LRRC32: variants seen among roughly 807,000 people sequenced by gnomAD.
The protein encoded by LRRC32 is transforming growth factor beta activator LRRC32.
A neutral mutation model predicts 15.0 loss-of-function variants in LRRC32; 5 were observed. The ratio of observed to expected loss-of-function variants is 0.33; its 90% confidence interval spans 0.17 to 0.70. LRRC32 has a LOEUF of 0.70. LRRC32 is among the 30% of genes least tolerant of loss of function. The pLI is 0.66. For synonymous variants in LRRC32, 391 were observed against 403.9 expected (o/e 0.97, Z 0.38); for missense variants, 803 against 854.2 (o/e 0.94, Z 0.75).
In LRRC32 at chr11:76,659,569, G is replaced by A. The variant is rs776412975; in HGVS notation, c.*35C>T. 6.3e-7 allele frequency: 1 copy of A among 1,594,996 alleles called. No homozygotes were observed. Among genetic ancestry groups the A allele is most frequent in the Non-Finnish European group, 8.6e-7 (1 of 1,169,194 alleles). ...GTCCTCACTCTTCTCTGTACCTCAG[G>A]CTCCCCCACTGACCTAGAGTGTCTC... is the stretch of plus-strand genomic sequence containing the variant. On this transcript the variant is annotated 3_prime_UTR_variant, in exon 3 of 3. Transcript: ENST00000260061.
chr11:76,660,833 T>G lies in LRRC32; in HGVS notation c.760A>C (p.Lys254Gln). The G allele has an allele frequency of 6.2e-7, 1 of 1,614,084 alleles. No homozygotes were observed. Among genetic ancestry groups the G allele is most frequent in the Non-Finnish European group, 8.5e-7 (1 of 1,180,008 alleles). Residue 254 changes from lysine to glutamine, a missense_variant, in exon 3 of 3, where the codon AAA becomes CAA. Coordinates refer to ENST00000260061, the MANE Select transcript of LRRC32 (RefSeq NM_001128922.2). ...QLTWLDLREN[K>Q]LLHFPDLAAL... ...GCCAGGTCGGGGAAATGGAGCAGTT[T>G]GTTCTCCCGCAGGTCAAGCCAGGTG... is the stretch of plus-strand genomic sequence containing the variant.
intron 2 of LRRC32, among the ~76,000 whole-genome samples, chr11:76,664,368 C>T (rs1490828863): frequency 6.6e-6 from 1 of 152,236 alleles, no homozygotes; most frequent in East Asian, 1.9e-4. Flanking sequence ...ATGCCTCCTT[C>T]AGCTCTGAGC....
intron 2 of LRRC32, among the ~76,000 whole-genome samples, chr11:76,664,422 T>A (rs1952590577): frequency 1.3e-5 from 2 of 152,214 alleles, no homozygotes; most frequent in South Asian, 4.1e-4. Flanking sequence ...TTGGAGGAAT[T>A]GGCCCTTGAC....
At chr11:76,665,816 C>T (rs149080490) in intron 2 of LRRC32, 55 bp downstream of exon 2, 1 of 1,610,992 alleles carries the variant, frequency 6.2e-7, no homozygotes, top group East Asian at 2.2e-5. Context: ...CACTAGCACA[C>T]CCTAGGGCAG....
In LRRC32 at chr11:76,665,863, C is replaced by G; in HGVS notation, c.84+8G>C. On this transcript the variant is annotated splice_region_variant and intron_variant, in intron 2 of 2. Coordinates refer to ENST00000260061, the MANE Select transcript of LRRC32 (RefSeq NM_001128922.2). ...TGGTCCTCACCCTGTCTGGGCAGAGCATCTTACCATCTTACAGGGCACTTT... is the reference window on the plus strand; with the variant it reads ...TGGTCCTCACCCTGTCTGGGCAGAGGATCTTACCATCTTACAGGGCACTTT... The G allele has an allele frequency of 3.7e-6, 6 of 1,614,026 alleles. No individual in the cohort carries two copies. Among genetic ancestry groups the G allele is most frequent in the Non-Finnish European group, 5.1e-6 (6 of 1,179,918 alleles).
At position 76,658,472 on chromosome 11, in the gene LRRC32, C is replaced by T. The variant is rs1202722133; in HGVS notation, c.*1132G>A. On this transcript the variant is annotated 3_prime_UTR_variant, in exon 3 of 3. Transcript: ENST00000260061. ...GTGCACAGCACAGGATGCTTCCAGA[C>T]CCTGCTCGGGCTATGTGGGGCCACT... The T allele has an allele frequency of 6.6e-6, 1 of 152,330 alleles. No individual in the cohort carries two copies. Among genetic ancestry groups the T allele is most frequent in the Non-Finnish European group, 1.5e-5 (1 of 68,114 alleles). 9.4% of individuals were successfully genotyped at this position (152,330 alleles called of 1,614,324 possible).
Position 76,661,053 on chromosome 11 carries a change from C to G in LRRC32, c.540G>C (p.Leu180=). ...CGATGTCCATCAGCACGTTGCTATG[C>G]AGGTCAAGCTGCTCCAGCGCAGGCA... ...RDMPALEQLD[L]HSNVLMDIED... Residue 180 remains leucine, a synonymous_variant, in exon 3 of 3, where the codon CTG becomes CTC. Transcript: ENST00000260061. The G allele has an allele frequency of 6.2e-7, 1 of 1,614,240 alleles. No individual in the cohort carries two copies. Among genetic ancestry groups the G allele is most frequent in the Non-Finnish European group, 8.5e-7 (1 of 1,180,042 alleles).
Position 76,659,323 on chromosome 11 carries a change from C to A in LRRC32, c.*281G>T. 2 of 422,092 alleles carry A rather than the reference C, an allele frequency of 4.7e-6. No homozygotes were observed. The highest frequency in any genetic ancestry group is 8.5e-5 in the East Asian group (2 of 23,396). The allele number at this position is 422,092 out of a possible 1,614,324, so 26.1% of individuals were successfully genotyped here. ...TCCCAGTGCCCAGAGCAGGGTGTGGCACAAAATACATGCTCAGTGAAGATT... is the reference window on the plus strand; with the variant it reads ...TCCCAGTGCCCAGAGCAGGGTGTGGAACAAAATACATGCTCAGTGAAGATT... On this transcript the variant is annotated 3_prime_UTR_variant, in exon 3 of 3. Coordinates refer to ENST00000260061, the MANE Select transcript of LRRC32 (RefSeq NM_001128922.2).
At chr11:76,668,456 CCA>C (rs1404713849) in intron 1 of LRRC32, among the ~76,000 whole-genome samples, 2 of 152,110 alleles carry the variant, frequency 1.3e-5, no homozygotes, top group South Asian at 2.1e-4. Flanking sequence ...TCCAGGCTAT[CCA>C]CAGTCTCCTC....
At position 76,660,641 on chromosome 11, in the gene LRRC32, A is replaced by G. The variant is rs958872183; in HGVS notation, c.952T>C (p.Leu318=). 1.9e-6 allele frequency: 3 copies of G among 1,614,014 alleles called. No homozygotes were observed. The highest frequency in any genetic ancestry group is 2.5e-6 in the Non-Finnish European group (3 of 1,180,022). The change falls in exon 3 of 3, where the codon TTG becomes CTG. Residue 318 remains leucine, a synonymous_variant. Transcript: ENST00000260061. ...TCATTGTAGCTCAAATCCAGATTCAAGAGCTGGGAAAGGGGGCGGCCGCTG... is the reference window on the plus strand; with the variant it reads ...TCATTGTAGCTCAAATCCAGATTCAGGAGCTGGGAAAGGGGGCGGCCGCTG... The part of the protein sequence containing the change: ...NASGRPLSQL[L]NLDLSYNEIE...
chr11:76,660,485 A>T lies in LRRC32; in HGVS notation c.1108T>A (p.Leu370Ile), dbSNP rs1952499515. Residue 370 changes from leucine to isoleucine, a missense_variant, in exon 3 of 3, where the codon TTA (leucine) becomes ATA (isoleucine). Physicochemically the swap from Leu to Ile is conservative, Grantham distance 5 (BLOSUM62 2). Transcript: ENST00000260061. Reference sequence around the variant, plus strand: ...AGTGTCTCCAGGGCATTGTGGCTTAAGTCAAGGAGCATCAGGCAGGGCAGG... The same window carrying T: ...AGTGTCTCCAGGGCATTGTGGCTTATGTCAAGGAGCATCAGGCAGGGCAGG... ...GSLPCLMLLD[L>I]SHNALETLEL... The T allele has an allele frequency of 1.9e-6, 3 of 1,613,942 alleles. No homozygotes were observed. Among genetic ancestry groups the T allele is most frequent in the African/African-American group, 1.3e-5 (1 of 74,938 alleles).
At chr11:76,664,057 A>G (rs561789745) in intron 2 of LRRC32, among the ~76,000 whole-genome samples, 2 of 152,250 alleles carry the variant, frequency 1.3e-5, no homozygotes, top group South Asian at 4.1e-4. Context: ...TGACTGTTAC[A>G]GTGTGGGGGG....
chr11:76,659,766 G>A lies in LRRC32; in HGVS notation c.1827C>T (p.Ser609=), dbSNP rs2120038210. ...AGTCCTCGGGACGCACGTGGCTCAG[G>A]GACACCTCCTCCTGGGAGCTGAAGC... ...ICRFSSQEEV[S]LSHVRPEDCE... is the part of the protein sequence containing the mutation. Residue 609 remains serine (S), a synonymous_variant, in exon 3 of 3, where the codon TCC becomes TCT. Coordinates refer to ENST00000260061, the MANE Select transcript of LRRC32 (RefSeq NM_001128922.2). 1 of 1,614,212 alleles carries A rather than the reference G, an allele frequency of 6.2e-7. No individual in the cohort carries two copies. The highest frequency in any genetic ancestry group is 1.1e-5 in the South Asian group (1 of 91,080).
chr11:76,659,596 C>T lies in LRRC32; in HGVS notation c.*8G>A, dbSNP rs3781698. ...TCCCCCACTGACCTAGAGTGTCTCC[C>T]GGCTTCTTTAGGCTTTATACTGTTG... On this transcript the variant is annotated 3_prime_UTR_variant, in exon 3 of 3. Transcript: ENST00000260061. 1.0e-3 allele frequency: 1,661 copies of T among 1,611,608 alleles called. 24 individuals carry two copies. In the East Asian group the frequency reaches 0.031, roughly 30 times the overall value.
rs1212795033 is a variant in LRRC32 at position 76,660,103 on chromosome 11, G to A, written c.1490C>T (p.Ala497Val). ...GGLEASLEVL[A>V]LQGNGLMVLQ... ...GACCATCAGCCCGTTGCCCTGCAGTGCCAGGACCTCCAAGGAGGCCTCCAG... is the reference window on the plus strand; with the variant it reads ...GACCATCAGCCCGTTGCCCTGCAGTACCAGGACCTCCAAGGAGGCCTCCAG... The change falls in exon 3 of 3, where the codon GCA (alanine) becomes GTA (valine). Residue 497 changes from alanine to valine, a missense_variant. By Grantham distance (64) the Ala-to-Val change is moderately conservative. Transcript: ENST00000260061. 6.2e-7 allele frequency: 1 copy of A among 1,613,900 alleles called. No individual in the cohort carries two copies. The highest frequency in any genetic ancestry group is 2.2e-5 in the East Asian group (1 of 44,874).
Position 76,660,813 on chromosome 11 carries a change from G to T in LRRC32, c.780C>A (p.Asp260Glu). The T allele has an allele frequency of 6.2e-7, 1 of 1,614,178 alleles. No homozygotes were observed. Among genetic ancestry groups the T allele is most frequent in the Non-Finnish European group, 8.5e-7 (1 of 1,180,030 alleles). The change falls in exon 3 of 3, where the codon GAC becomes GAA. Residue 260 changes from aspartate (D) to glutamate (E), a missense_variant. Physicochemically the swap from Asp to Glu is conservative, Grantham distance 45. Transcript: ENST00000260061. Reference sequence around the variant, plus strand: ...AGATGAGTCTCGGGAGCGCGGCCAGGTCGGGGAAATGGAGCAGTTTGTTCT... The same window carrying T: ...AGATGAGTCTCGGGAGCGCGGCCAGTTCGGGGAAATGGAGCAGTTTGTTCT... The part of the protein sequence containing the change: ...LRENKLLHFP[D>E]LAALPRLIYL...
intron 1 of LRRC32, among the ~76,000 whole-genome samples, chr11:76,668,209 A>G (rs77912326): frequency 6.6e-6 from 1 of 151,998 alleles, no homozygotes; most frequent in Non-Finnish European, 1.5e-5. Flanking sequence ...ACCTCTCTGC[A>G]ACGTTCCCTT....
At chr11:76,667,137 A>G (rs1439940246) in intron 1 of LRRC32, among the ~76,000 whole-genome samples, 2 of 152,250 alleles carry the variant, frequency 1.3e-5, no homozygotes, top group Non-Finnish European at 2.9e-5. Flanking sequence ...AGCCTCCATT[A>G]TGCAGTAGGC....
chr11:76,666,744 C>A (rs927131551), intron 1 of LRRC32, among the ~76,000 whole-genome samples: 31 of 152,264 alleles, frequency 2.0e-4, no homozygotes, highest in African/African-American at 7.5e-4. Context: ...GGCTCACTCA[C>A]TCCCTCACTA....
Sources: allele counts gnomAD v4.1 joint callset (sites outside exome capture counted in the v4.1 genomes callset), GRCh38; gene constraint gnomAD v4.1.1; transcripts MANE v1.5; gene names NCBI Gene and HGNC (gene_info 2026-07-23, HGNC 2026-07-21).